Variants in VDAC1 observed in about 807,000 individuals in gnomAD.
The protein encoded by VDAC1 is non-selective voltage-gated ion channel VDAC1.
VDAC1 carries 10 observed loss-of-function variants against 34.7 expected under a neutral mutation model. The observed-to-expected ratio is 0.29, with a 90% CI of 0.18 to 0.49. The LOEUF is 0.49. VDAC1 is among the 20% of genes least tolerant of loss of function. The pLI, the probability that VDAC1 is intolerant of heterozygous loss-of-function variation, is 0.99. For missense variants in VDAC1, 230 were observed against 347.9 expected, an observed-to-expected ratio of 0.66 and a Z score of 2.69; for synonymous variants, 130 against 136.0, an observed-to-expected ratio of 0.96 and a Z score of 0.30.
the VDAC1 span, among the ~76,000 whole-genome samples, chr5:134,098,169 CTTA>C: frequency 2.5e-3 from 369 of 146,930 alleles, 3 homozygotes; most frequent in South Asian, 0.012. Context: ...CCATGCCCTG[CTTA>C]TTATTATTAT....
intron 1 of VDAC1, among the ~76,000 whole-genome samples, chr5:134,000,355 C>T (rs183441500): frequency 6.0e-4 from 91 of 152,342 alleles, no homozygotes; most frequent in Non-Finnish European, 1.2e-3. Context: ...GCTGGGCCAC[C>T]ACCAGCACAG....
the VDAC1 span, among the ~76,000 whole-genome samples, chr5:134,019,793 C>T: frequency 2.0e-5 from 3 of 152,128 alleles, no homozygotes; most frequent in Non-Finnish European, 2.9e-5. Flanking sequence ...GGTATCAGAC[C>T]AAGCACCTGG....
At chr5:134,075,330 C>T in the VDAC1 span, among the ~76,000 whole-genome samples, 203 of 152,284 alleles carry the variant, frequency 1.3e-3, 1 homozygote, top group Admixed American at 4.3e-3. Context: ...ATTCACAGTG[C>T]TATCCACACT....
chr5:134,069,562 A>G, the VDAC1 span, among the ~76,000 whole-genome samples: 789 of 152,264 alleles, frequency 5.2e-3, 6 homozygotes, highest in African/African-American at 0.017. Flanking sequence ...GGCATCGAAG[A>G]AAGGTTGAAT....
chr5:134,059,474 T>C, the VDAC1 span, among the ~76,000 whole-genome samples: 1 of 152,136 alleles, frequency 6.6e-6, no homozygotes, highest in African/African-American at 2.4e-5. Flanking sequence ...AGTGGTCCTC[T>C]GCCCTCTAAG....
chr5:134,054,267 T>C, the VDAC1 span, among the ~76,000 whole-genome samples: 1 of 152,132 alleles, frequency 6.6e-6, no homozygotes, highest in African/African-American at 2.4e-5. Context: ...AGGGCGGGGC[T>C]GCCCTGCTGG....
At chr5:134,096,608 T>TA in the VDAC1 span, among the ~76,000 whole-genome samples, 1 of 151,366 alleles carries the variant, frequency 6.6e-6, no homozygotes, top group Non-Finnish European at 1.5e-5. Context: ...CTCTTCTTCT[T>TA]TTTTTTATTT....
chr5:134,019,709 C>T, the VDAC1 span, among the ~76,000 whole-genome samples: 3 of 152,214 alleles, frequency 2.0e-5, no homozygotes, highest in Non-Finnish European at 4.4e-5. Context: ...CACTATCCCA[C>T]AGCTGCCCCA....
chr5:134,044,808 C>T, the VDAC1 span, among the ~76,000 whole-genome samples: 1 of 152,168 alleles, frequency 6.6e-6, no homozygotes, highest in African/African-American at 2.4e-5. Flanking sequence ...GAGCTCCTAC[C>T]CCATGTGAGG....
chr5:134,112,035 C>T, the VDAC1 span, among the ~76,000 whole-genome samples: 1 of 152,112 alleles, frequency 6.6e-6, no homozygotes, highest in Non-Finnish European at 1.5e-5. Context: ...TGAGGTTGGT[C>T]GTTGTGTAGA....
the VDAC1 span, among the ~76,000 whole-genome samples, chr5:134,079,086 C>T: frequency 6.6e-6 from 1 of 151,158 alleles, no homozygotes; most frequent in Non-Finnish European, 1.5e-5. Flanking sequence ...GATTCTCCTC[C>T]CTCAGCCTCC....
chr5:134,063,379 C>G, the VDAC1 span, among the ~76,000 whole-genome samples: 1 of 152,176 alleles, frequency 6.6e-6, no homozygotes, highest in Non-Finnish European at 1.5e-5. Flanking sequence ...ATAGTAACAG[C>G]CTCCCTACCC....
At chr5:134,094,354 A>G in the VDAC1 span, among the ~76,000 whole-genome samples, 1 of 152,326 alleles carries the variant, frequency 6.6e-6, no homozygotes, top group East Asian at 1.9e-4. Context: ...GAACGACGAC[A>G]GAGTTTCTTC....
At chr5:133,984,763 C>G (rs1752844903) in intron 5 of VDAC1, among the ~76,000 whole-genome samples, 1 of 152,048 alleles carries the variant, frequency 6.6e-6, no homozygotes, top group African/African-American at 2.4e-5. Context: ...TGGCAAAATT[C>G]CATCTCTACT....
upstream of VDAC1, among the ~76,000 whole-genome samples, chr5:134,006,053 G>A (rs541215246): frequency 6.6e-6 from 1 of 152,328 alleles, no homozygotes; most frequent in East Asian, 1.9e-4. Flanking sequence ...GCTCCAGTGG[G>A]ATAGGGTGCT....
At chr5:134,042,263 G>T in the VDAC1 span, among the ~76,000 whole-genome samples, 1 of 152,148 alleles carries the variant, frequency 6.6e-6, no homozygotes, top group African/African-American at 2.4e-5. Context: ...GGGGGGACCA[G>T]GCCCTGATAG....
the VDAC1 span, among the ~76,000 whole-genome samples, chr5:134,058,614 C>G: frequency 6.6e-6 from 1 of 152,182 alleles, no homozygotes; most frequent in Non-Finnish European, 1.5e-5. Context: ...CGCACCCGGC[C>G]CAAGGACTCT....
At chr5:134,059,239 C>A in the VDAC1 span, among the ~76,000 whole-genome samples, 1 of 152,192 alleles carries the variant, frequency 6.6e-6, no homozygotes, top group African/African-American at 2.4e-5. Context: ...CTTCCCTCCC[C>A]ACCAGCCAAC....
At chr5:133,987,256 G>A (rs1221485657) in intron 5 of VDAC1, among the ~76,000 whole-genome samples, 1 of 152,210 alleles carries the variant, frequency 6.6e-6, no homozygotes, top group Non-Finnish European at 1.5e-5. Context: ...AGCTACTGGG[G>A]AGGCCGAGGA....
Sources: gnomAD v4.1 joint callset for allele counts (sites outside exome capture counted in the v4.1 genomes callset) on GRCh38, gnomAD v4.1.1 for gene constraint, MANE v1.5 for transcripts, NCBI Gene and HGNC (gene_info 2026-07-23, HGNC 2026-07-21) for gene names.